DAB1: variants seen among roughly 807,000 people sequenced by gnomAD.
DAB1 encodes disabled homolog 1.
In DAB1, 15 loss-of-function variants were observed where a neutral mutation model predicts 64.6. That is an observed-to-expected ratio of 0.23 (90% CI 0.16 to 0.36). The LOEUF is 0.36. Among genes scored for constraint, DAB1 ranks in the 10% least tolerant of loss-of-function variants. DAB1 has a pLI of 1.00. For synonymous variants in DAB1, 235 were observed against 251.9 expected (o/e 0.93, Z 0.64); for missense variants, 596 against 706.7 (o/e 0.84, Z 1.78).
At chr1:57,101,203 C>T (rs1401468441) in intron 4 of DAB1, among the ~76,000 whole-genome samples, 1 of 152,178 alleles carries the variant, frequency 6.6e-6, no homozygotes, top group Non-Finnish European at 1.5e-5. Context: ...AAGACTACAC[C>T]GAAACAGGAC....
chr1:57,131,370 A>G (rs1295186712), intron 4 of DAB1, among the ~76,000 whole-genome samples: 1 of 152,166 alleles, frequency 6.6e-6, no homozygotes, highest in Non-Finnish European at 1.5e-5. Flanking sequence ...AGATCCATGA[A>G]AGCCTGCTCT....
At chr1:58,071,162 G>A (rs1183546375) in intron 5 of DAB1, among the ~76,000 whole-genome samples, 1 of 152,136 alleles carries the variant, frequency 6.6e-6, no homozygotes, top group African/African-American at 2.4e-5. Context: ...GAGGAAACGA[G>A]GAAAATCTAC....
At chr1:57,390,096 C>A (rs928742627) in intron 1 of DAB1, among the ~76,000 whole-genome samples, 10 of 152,236 alleles carry the variant, frequency 6.6e-5, no homozygotes, top group Admixed American at 4.6e-4. Flanking sequence ...ACCAAACTTT[C>A]TTCAACAAGT....
At chr1:57,051,009 T>G (rs1649132267) in intron 9 of DAB1, among the ~76,000 whole-genome samples, 1 of 152,196 alleles carries the variant, frequency 6.6e-6, no homozygotes, top group African/African-American at 2.4e-5. Flanking sequence ...CATCCACACC[T>G]ATCAAAAATA....
At chr1:57,863,332 T>C (rs1290255556) in intron 1 of DAB1, 1 of 152,144 alleles carries the variant, frequency 6.6e-6, no homozygotes, top group Admixed American at 6.5e-5. Context: ...TGGGCTATGA[T>C]GGATATATTT....
intron 2 of DAB1, among the ~76,000 whole-genome samples, chr1:57,230,351 G>T (rs1667580479): frequency 6.9e-6 from 1 of 145,792 alleles, no homozygotes; most frequent in Non-Finnish European, 1.5e-5. Flanking sequence ...AGCTGCTAAA[G>T]ATGTTAAATG....
At chr1:57,055,100 C>T (rs1649614362) in intron 9 of DAB1, among the ~76,000 whole-genome samples, 1 of 152,232 alleles carries the variant, frequency 6.6e-6, no homozygotes, top group Admixed American at 6.5e-5. Context: ...TCTCAGCAAG[C>T]ATTTATGCTG....
chr1:56,998,900 C>T (rs1228221041), intron 14 of DAB1, among the ~76,000 whole-genome samples: 1 of 152,108 alleles, frequency 6.6e-6, no homozygotes, highest in Admixed American at 6.5e-5. Context: ...ATTTAAACCC[C>T]GTCAGACTTC....
chr1:57,229,700 T>C (rs1667529691), intron 2 of DAB1, among the ~76,000 whole-genome samples: 1 of 152,186 alleles, frequency 6.6e-6, no homozygotes, highest in Non-Finnish European at 1.5e-5. Context: ...TTTTTCAACA[T>C]TCTGGTGGCC....
intron 7 of DAB1, among the ~76,000 whole-genome samples, chr1:57,505,569 T>G (rs2101330448): frequency 6.6e-6 from 1 of 152,350 alleles, no homozygotes; most frequent in Non-Finnish European, 1.5e-5. Context: ...GTTATAAATA[T>G]TCACATACTT....
chr1:57,103,377 A>C (rs1654856316), intron 4 of DAB1, among the ~76,000 whole-genome samples: 1 of 152,174 alleles, frequency 6.6e-6, no homozygotes, highest in Admixed American at 6.5e-5. Flanking sequence ...GCTGGGCTAG[A>C]TCTCACTGAC....
At chr1:57,649,821 G>A (rs1024238665) in intron 6 of DAB1, among the ~76,000 whole-genome samples, 24 of 152,258 alleles carry the variant, frequency 1.6e-4, no homozygotes, top group African/African-American at 2.9e-4. Flanking sequence ...TACCACTGAC[G>A]AAAAAGTCAA....
At chr1:57,620,817 C>G (rs371379919) in intron 7 of DAB1, among the ~76,000 whole-genome samples, 1 of 152,172 alleles carries the variant, frequency 6.6e-6, no homozygotes. Flanking sequence ...AGGGGGGCAG[C>G]GCGGCAGACA....
At chr1:57,202,966 A>G (rs192853203) in intron 2 of DAB1, among the ~76,000 whole-genome samples, 14 of 152,338 alleles carry the variant, frequency 9.2e-5, no homozygotes, top group African/African-American at 3.1e-4. Context: ...ACAAAGGAAG[A>G]CAGTCACTTC....
rs1341446315 is a variant in DAB1 at position 58,118,503 on chromosome 1, T to TATATACACACAC, written n.387+32007_387+32008insGTGTGTGTATAT. Among the ~76,000 whole-genome samples the TATATACACACAC allele has an allele frequency of 7.2e-4, 38 of 53,086 alleles. No individual in the cohort carries two copies. In the East Asian group the frequency reaches 0.013, roughly 18 times the overall value. The allele number at this position is 53,086 out of a possible 152,430, so 34.8% of individuals were successfully genotyped here. A position where few individuals can be genotyped will look rare whatever the true frequency, so the allele number is the denominator to read the frequency against. On this transcript the variant is annotated intron_variant and non_coding_transcript_variant, in intron 5 of 20. Transcript: ENST00000485760. ...ATATATATATATATATATATATATA[T>TATATACACACAC]ACACACACACACACACACATATATA...
chr1:58,126,798 T>A (rs1263534223), intron 5 of DAB1, among the ~76,000 whole-genome samples: 2 of 151,800 alleles, frequency 1.3e-5, no homozygotes, highest in East Asian at 1.9e-4. Flanking sequence ...CCATCATTTT[T>A]TATGGCTGCA....
At chr1:57,252,212 T>C (rs188761845) in intron 2 of DAB1, among the ~76,000 whole-genome samples, 143 of 152,302 alleles carry the variant, frequency 9.4e-4, no homozygotes, top group Non-Finnish European at 1.5e-3. Flanking sequence ...ACTGACTAAT[T>C]ATCAGCGCAA....
intron 6 of DAB1, among the ~76,000 whole-genome samples, chr1:57,676,323 A>T (rs901031474): frequency 1.3e-5 from 2 of 152,222 alleles, no homozygotes; most frequent in Non-Finnish European, 2.9e-5. Context: ...AAGCTCTTTG[A>T]CAATCAAGAA....
intron 7 of DAB1, among the ~76,000 whole-genome samples, chr1:57,455,624 C>G (rs978120086): frequency 6.6e-6 from 1 of 152,060 alleles, no homozygotes; most frequent in African/African-American, 2.4e-5. Flanking sequence ...GAAATGAAGA[C>G]GTAAATTACT....
Sources: gnomAD v4.1 joint callset for allele counts (sites outside exome capture counted in the v4.1 genomes callset) on GRCh38, gnomAD v4.1.1 for gene constraint, MANE v1.5 for transcripts, NCBI Gene and HGNC (gene_info 2026-07-23, HGNC 2026-07-21) for gene names.